CCDC191: variants seen among roughly 807,000 people sequenced by gnomAD.
CCDC191 encodes coiled-coil domain-containing protein 191.
A neutral mutation model predicts 114.0 loss-of-function variants in CCDC191; 99 were observed. The observed-to-expected ratio is 0.87, with a 90% CI of 0.74 to 1.03. CCDC191 has a LOEUF of 1.03. Among genes scored for constraint, CCDC191 ranks in the 50% least tolerant of loss-of-function variants. The pLI is 0.00. For synonymous variants in CCDC191, 351 were observed against 376.0 expected, an observed-to-expected ratio of 0.93 and a Z score of 0.77; for missense variants, 973 against 1,087.0, an observed-to-expected ratio of 0.90 and a Z score of 1.47.
intron 13 of CCDC191, among the ~76,000 whole-genome samples, chr3:113,992,219 T>A (rs1399097179): frequency 1.3e-5 from 2 of 152,090 alleles, no homozygotes; most frequent in East Asian, 3.9e-4. Flanking sequence ...GGCAGCATAG[T>A]TCAATGCCAA....
Position 113,964,826 on chromosome 3 carries a change from A to C in CCDC191, c.*329T>G, listed in dbSNP as rs1251455551. 1.2e-5 allele frequency: 2 copies of C among 165,836 alleles called. No homozygotes were observed. The highest frequency in any genetic ancestry group is 2.6e-5 in the Non-Finnish European group (2 of 77,346). 10.3% of individuals were successfully genotyped at this position (165,836 alleles called of 1,614,324 possible). On this transcript the variant is annotated 3_prime_UTR_variant, in exon 17 of 17. Transcript: ENST00000295878. ...TCACATCAGCAACTCCTGTCGTGCT[A>C]TACGGACACATTTTCTTCACAGGCT...
chr3:114,048,166 G>A (rs1162869614), intron 2 of CCDC191, among the ~76,000 whole-genome samples: 1 of 151,946 alleles, frequency 6.6e-6, no homozygotes, highest in Non-Finnish European at 1.5e-5. Flanking sequence ...TAATTGATCA[G>A]GACATCTGTT....
chr3:113,995,238 C>T (rs990483162), intron 13 of CCDC191, among the ~76,000 whole-genome samples: 2 of 152,088 alleles, frequency 1.3e-5, no homozygotes, highest in East Asian at 1.9e-4. Context: ...GTGATGGGTA[C>T]ACTAAAGCCC....
At chr3:113,987,087 C>A (rs2075387171) in intron 13 of CCDC191, among the ~76,000 whole-genome samples, 1 of 146,364 alleles carries the variant, frequency 6.8e-6, no homozygotes. Context: ...AGAAACCAGG[C>A]AAGCAAGAAA....
At chr3:114,027,903 T>G (rs953271298) in intron 7 of CCDC191, among the ~76,000 whole-genome samples, 1 of 152,136 alleles carries the variant, frequency 6.6e-6, no homozygotes, top group African/African-American at 2.4e-5. Context: ...AGCTTTAGGC[T>G]CCTTTAGAGC....
intron 2 of CCDC191, among the ~76,000 whole-genome samples, chr3:114,049,718 T>G (rs1410337083): frequency 1.3e-5 from 2 of 152,202 alleles, no homozygotes; most frequent in Non-Finnish European, 2.9e-5. Context: ...TCACTTAAAA[T>G]GAAGATTTGA....
chr3:114,042,662 C>T (rs1322273261), intron 4 of CCDC191, 41 bp downstream of exon 4: 2 of 1,465,298 alleles, frequency 1.4e-6, no homozygotes, highest in Non-Finnish European at 1.8e-6. Context: ...TAGACACATT[C>T]ATTAGATGTT....
At chr3:114,002,417 C>T in intron 12 of CCDC191, 39 bp downstream of exon 12, 1 of 1,423,456 alleles carries the variant, frequency 7.0e-7, no homozygotes, top group Non-Finnish European at 9.8e-7. Context: ...CTGGACAAAT[C>T]CTTCTTTTTT....
chr3:114,018,611 G>T, intron 8 of CCDC191, 67 bp downstream of exon 8: 1 of 1,282,018 alleles, frequency 7.8e-7, no homozygotes, highest in African/African-American at 1.5e-5. Flanking sequence ...AAGTTTATTT[G>T]TGGATTCTTC....
intron 2 of CCDC191, among the ~76,000 whole-genome samples, chr3:114,053,017 T>C (rs2076717677): frequency 6.6e-6 from 1 of 152,138 alleles, no homozygotes; most frequent in Non-Finnish European, 1.5e-5. Context: ...AAAATACATA[T>C]CTCAGGCCTG....
chr3:114,046,060 C>T (rs1398778825), intron 3 of CCDC191, among the ~76,000 whole-genome samples: 1 of 152,200 alleles, frequency 6.6e-6, no homozygotes, highest in African/African-American at 2.4e-5. Flanking sequence ...GGACATCACA[C>T]TCTTGACTTT....
rs770780931 is a variant in CCDC191, at chr3:114,010,876, G to A, written c.1309C>T (p.Leu437=). 1.9e-6 allele frequency: 3 copies of A among 1,613,990 alleles called. No homozygotes were observed. The East Asian group carries it at 6.7e-5, about 36-fold the overall frequency. The part of the protein sequence containing the change: ...EETRKKMDAL[L]QAASLGKLSA... ...AGTTTCCCCAGTGATGCTGCCTGCAGCAGTGCATCCATCTTCTTCCTAGTT... is the reference window on the plus strand; with the variant it reads ...AGTTTCCCCAGTGATGCTGCCTGCAACAGTGCATCCATCTTCTTCCTAGTT... The change falls in exon 9 of 17, where the codon CTG becomes TTG. Residue 437 remains leucine, a synonymous_variant. Coordinates refer to ENST00000295878, the MANE Select transcript of CCDC191 (RefSeq NM_020817.2).
rs183032989 is a variant in CCDC191 at position 114,016,715 on chromosome 3, G to A, written c.1163+1963C>T. Among the ~76,000 whole-genome samples, 12 of 152,182 alleles carry A rather than the reference G, an allele frequency of 7.9e-5. 1 individual carries two copies. In the South Asian group the frequency reaches 2.3e-3, roughly 29 times the overall value. On this transcript the variant is annotated intron_variant, in intron 8 of 16. Transcript: ENST00000295878. ...TGCTATTATGAAATCCCTATTTAGT[G>A]CTTTTATATTTAAAGTTTAATTGGA... is the stretch of plus-strand genomic sequence containing the variant.
At position 114,023,650 on chromosome 3, in the gene CCDC191, C is replaced by T. The variant is rs375895333; in HGVS notation, c.973-4782G>A. 4.7e-3 allele frequency among the ~76,000 whole-genome samples: 715 copies of T among 152,218 alleles called. 7 individuals are homozygous for T. The highest frequency in any genetic ancestry group is 0.016 in the African/African-American group (677 of 41,520). On this transcript the variant is annotated intron_variant, in intron 7 of 16. Transcript: ENST00000295878. ...AATGGTGCTGGGAAAACTGGCTAGC[C>T]ATATGGAGAAAGCTGAAAATGGATC...
At chr3:114,046,084 T>G (rs1326104580) in intron 3 of CCDC191, among the ~76,000 whole-genome samples, 1 of 152,324 alleles carries the variant, frequency 6.6e-6, no homozygotes, top group East Asian at 1.9e-4. Context: ...TCTACCACAG[T>G]GGCCTCCCTT....
intron 13 of CCDC191, among the ~76,000 whole-genome samples, chr3:113,996,107 T>C (rs757443324): frequency 6.6e-5 from 10 of 152,212 alleles, no homozygotes; most frequent in Non-Finnish European, 1.3e-4. Flanking sequence ...TCTTTTGCTG[T>C]GCAGAAGCTC....
At chr3:114,052,046 G>A (rs780534773) in intron 2 of CCDC191, among the ~76,000 whole-genome samples, 18 of 152,204 alleles carry the variant, frequency 1.2e-4, no homozygotes, top group Non-Finnish European at 2.6e-4. Context: ...TAGGACGCAG[G>A]AGAATAACTG....
chr3:114,011,124 A>G, intron 8 of CCDC191, 103 bp from the exon 9 acceptor site: 1 of 1,270,212 alleles, frequency 7.9e-7, no homozygotes, highest in Non-Finnish European at 1.1e-6. Context: ...GAAATGCTCC[A>G]TCTTAGCTCT....
chr3:114,037,909 G>A (rs1452530793), intron 4 of CCDC191, among the ~76,000 whole-genome samples: 1 of 152,188 alleles, frequency 6.6e-6, no homozygotes, highest in East Asian at 1.9e-4. Flanking sequence ...ATCCATGGTT[G>A]GTTGAGTCCA....
Sources: gnomAD v4.1 joint callset for allele counts (sites outside exome capture counted in the v4.1 genomes callset) on GRCh38, gnomAD v4.1.1 for gene constraint, MANE v1.5 for transcripts, NCBI Gene and HGNC (gene_info 2026-07-23, HGNC 2026-07-21) for gene names.